The following AFP variants were observed in gnomAD, a reference collection of about 807,000 sequenced individuals.
AFP encodes the protein alpha-fetoprotein.
Under a neutral mutation model 78.9 loss-of-function variants are expected in AFP, and 64 were observed. The observed-to-expected ratio is 0.81, with a 90% CI of 0.66 to 1.00. The LOEUF is 1.00. AFP is among the 50% of genes least tolerant of loss of function. The pLI is 0.00. For missense variants in AFP, 689 were observed against 703.8 expected, an observed-to-expected ratio of 0.98 and a Z score of 0.24; for synonymous variants, 254 against 243.8, an observed-to-expected ratio of 1.04 and a Z score of -0.39.
rs2149337281 is a variant in AFP, at chr4:73,453,747, T to C, written c.1653-18T>C. ...CATAACAGACTTCTCTTGTATTTTG[T>C]TTTGTTTTAAATCACAGGTTTCTCA... is the stretch of plus-strand genomic sequence containing the variant. On this transcript the variant is annotated intron_variant, in intron 12 of 14. Coordinates refer to ENST00000395792, the MANE Select transcript of AFP (RefSeq NM_001134.3). 1.2e-6 allele frequency: 2 copies of C among 1,612,448 alleles called. No individual in the cohort carries two copies. Among genetic ancestry groups the C allele is most frequent in the South Asian group, 2.2e-5 (2 of 90,972 alleles).
At position 73,436,260 on chromosome 4, in the gene AFP, AC is replaced by A; in HGVS notation, c.-1del. 1 of 1,591,516 alleles carries A rather than the reference AC, an allele frequency of 6.3e-7. No individual in the cohort carries two copies. Among genetic ancestry groups the A allele is most frequent in the Non-Finnish European group, 8.6e-7 (1 of 1,160,660 alleles). On this transcript the variant is annotated 5_prime_UTR_variant, in exon 1 of 15. Coordinates refer to ENST00000395792, the MANE Select transcript of AFP (RefSeq NM_001134.3). ...ACTGCCAATAACAAAATAACTAGCA[AC>A]CATGAAGTGGGTGGAATCAATTTTT...
intron 3 of AFP, among the ~76,000 whole-genome samples, chr4:73,439,936 T>A (rs1490575093): frequency 2.1e-4 from 1 of 4,848 alleles, no homozygotes. Flanking sequence ...TGTGTGTGTG[T>A]GTATATGTAT....
At position 73,438,175 on chromosome 4, in the gene AFP, G is replaced by A. The variant is rs779423805; in HGVS notation, c.139G>A (p.Ala47Thr). 1 of 1,613,248 alleles carries A rather than the reference G, an allele frequency of 6.2e-7. No homozygotes were observed. Among genetic ancestry groups the A allele is most frequent in the South Asian group, 1.1e-5 (1 of 91,060 alleles). Reference protein sequence around the residue: ...CTAEISLADLATIFFAQFVQE... With the variant: ...CTAEISLADLTTIFFAQFVQE... ...GATTCACACGTATTTTTGTTTCAGG[G>A]CTACCATATTTTTTGCCCAGTTTGT... Residue 47 changes from alanine (A) to threonine (T), a missense_variant and splice_region_variant, in exon 3 of 15, where the codon GCT (alanine) becomes ACT (threonine). Transcript: ENST00000395792.
intron 1 of AFP, 108 bp downstream of exon 1, chr4:73,436,455 T>A: frequency 1.5e-6 from 1 of 661,358 alleles, no homozygotes; most frequent in Non-Finnish European, 2.5e-6. Context: ...TTATTCCACA[T>A]GGAGAAAAAA....
At chr4:73,437,829 T>G (rs573144559) in intron 2 of AFP, among the ~76,000 whole-genome samples, 1 of 152,110 alleles carries the variant, frequency 6.6e-6, no homozygotes, top group African/African-American at 2.4e-5. Context: ...ACCAATTTTT[T>G]TTTGCTTAAA....
At chr4:73,448,440 AG>A (rs1256819155) in intron 8 of AFP, among the ~76,000 whole-genome samples, 2 of 152,168 alleles carry the variant, frequency 1.3e-5, no homozygotes, top group Admixed American at 1.3e-4. Flanking sequence ...ATAAAAATAA[AG>A]GCCCAATTTT....
chr4:73,450,792 C>A (rs1181881247), intron 11 of AFP, 39 bp downstream of exon 11: 1 of 1,612,756 alleles, frequency 6.2e-7, no homozygotes, highest in African/African-American at 1.3e-5. Flanking sequence ...TCATTTCTGC[C>A]CTGTTTGACT....
In AFP at chr4:73,440,743, C is replaced by A; in HGVS notation, c.412C>A (p.Leu138Ile). 2 of 1,614,184 alleles carry A rather than the reference C, an allele frequency of 1.2e-6. No individual in the cohort carries two copies. Among genetic ancestry groups the A allele is most frequent in the Non-Finnish European group, 8.5e-7 (1 of 1,180,034 alleles). The change falls in exon 4 of 15, where the codon CTT (leucine) becomes ATT (isoleucine). Residue 138 changes from leucine (L) to isoleucine (I), a missense_variant. Leu to Ile is a conservative substitution (Grantham distance 5, BLOSUM62 2). Coordinates refer to ENST00000395792, the MANE Select transcript of AFP (RefSeq NM_001134.3). Reference protein sequence around the residue: ...HKKPTPASIPLFQVPEPVTSC... With the variant: ...HKKPTPASIPIFQVPEPVTSC... ...AAAGCCCACTCCAGCATCGATCCCA[C>A]TTTTCCAAGTTCCAGAACCTGTCAC...
chr4:73,447,096 T>C (rs1353066959), intron 7 of AFP, among the ~76,000 whole-genome samples: 2 of 152,148 alleles, frequency 1.3e-5, no homozygotes, highest in African/African-American at 4.8e-5. Flanking sequence ...ACTTAGGACA[T>C]TATACTTGAT....
At chr4:73,448,887 T>A (rs563124544) in intron 8 of AFP, among the ~76,000 whole-genome samples, 5 of 152,182 alleles carry the variant, frequency 3.3e-5, no homozygotes, top group African/African-American at 1.2e-4. Context: ...CTCTTTTTCA[T>A]CTTTATTTAT....
rs1719634051 is a variant in AFP at position 73,440,715 on chromosome 4, C to T, written c.384C>T (p.His128=). The change falls in exon 4 of 15, where the codon CAC becomes CAT. Residue 128 remains histidine (H), a synonymous_variant. Coordinates refer to ENST00000395792, the MANE Select transcript of AFP (RefSeq NM_001134.3). The part of the protein sequence containing the change: ...EEGRHNCFLA[H]KKPTPASIPL... ...GAAGACATAACTGTTTTCTTGCACA[C>T]AAAAAGCCCACTCCAGCATCGATCC... 1.2e-6 allele frequency: 2 copies of T among 1,614,142 alleles called. No homozygotes were observed. Among genetic ancestry groups the T allele is most frequent in the Middle Eastern group, 1.6e-4 (1 of 6,062 alleles).
At chr4:73,438,783 C>A (rs1719583746) in intron 3 of AFP, among the ~76,000 whole-genome samples, 2 of 152,034 alleles carry the variant, frequency 1.3e-5, no homozygotes, top group South Asian at 4.1e-4. Context: ...GAATGGTTGT[C>A]CAGTGAGTCA....
intron 2 of AFP, 128 bp from the exon 3 acceptor site, chr4:73,438,046 C>A: frequency 1.5e-6 from 2 of 1,330,100 alleles, no homozygotes; most frequent in Non-Finnish European, 2.1e-6. Context: ...CATAATTTTA[C>A]AAATCAAATG....
Position 73,449,358 on chromosome 4 carries a change from G to A in AFP, c.1082G>A (p.Arg361Lys). Residue 361 changes from arginine (R) to lysine (K), a missense_variant, in exon 9 of 15, where the codon AGA becomes AAA. Transcript: ENST00000395792. The stretch of plus-strand genomic sequence containing the variant: ...AGTTTTGTTCATGAATATTCAAGAA[G>A]ACATCCTCAGCTTGCTGTCTCAGTA... ...LASFVHEYSRRHPQLAVSVIL... is the reference protein window; with the variant it reads ...LASFVHEYSRKHPQLAVSVIL... 1 of 1,613,182 alleles carries A rather than the reference G, an allele frequency of 6.2e-7. No homozygotes were observed. The highest frequency in any genetic ancestry group is 1.1e-5 in the South Asian group (1 of 91,042).
At chr4:73,454,654 T>G (rs1720107604) in intron 13 of AFP, among the ~76,000 whole-genome samples, 1 of 152,150 alleles carries the variant, frequency 6.6e-6, no homozygotes, top group Non-Finnish European at 1.5e-5. Flanking sequence ...TTTTGTCAAT[T>G]TTACCTTTCT....
intron 3 of AFP, among the ~76,000 whole-genome samples, chr4:73,439,993 C>A (rs1719614056): frequency 6.6e-6 from 1 of 151,368 alleles, no homozygotes; most frequent in African/African-American, 2.4e-5. Flanking sequence ...ATTTGCAATT[C>A]CAAAAGTTAC....
Position 73,437,215 on chromosome 4 carries a change from A to C in AFP, c.137+4A>C. The C allele has an allele frequency of 6.2e-7, 1 of 1,604,690 alleles. No individual in the cohort carries two copies. Among genetic ancestry groups the C allele is most frequent in the South Asian group, 1.1e-5 (1 of 90,806 alleles). On this transcript the variant is annotated splice_donor_region_variant and intron_variant, in intron 2 of 14. Coordinates refer to ENST00000395792, the MANE Select transcript of AFP (RefSeq NM_001134.3). The stretch of plus-strand genomic sequence containing the variant: ...CAGAGATAAGTTTAGCTGACCTGTA[A>C]GTTTTGCTTATATAAATGTACTTTA...
At chr4:73,437,928 T>G (rs531143642) in intron 2 of AFP, among the ~76,000 whole-genome samples, 1 of 152,198 alleles carries the variant, frequency 6.6e-6, no homozygotes, top group Non-Finnish European at 1.5e-5. Context: ...ACCACTCTTA[T>G]GGGAAATCCA....
chr4:73,446,825 G>A (rs1266904888), intron 7 of AFP, among the ~76,000 whole-genome samples: 1 of 152,128 alleles, frequency 6.6e-6, no homozygotes, highest in Admixed American at 6.6e-5. Flanking sequence ...ATTTGTAAAG[G>A]TTTTCAATTA....
Sources: allele counts gnomAD v4.1 joint callset (sites outside exome capture counted in the v4.1 genomes callset), GRCh38; gene constraint gnomAD v4.1.1; transcripts MANE v1.5; gene names NCBI Gene and HGNC (gene_info 2026-07-23, HGNC 2026-07-21).